SOX6: variants seen among roughly 807,000 people sequenced by gnomAD.
SOX6 encodes the protein SRY-box transcription factor 6, also known as transcription factor SOX-6.
SOX6 carries 11 observed loss-of-function variants against 97.8 expected under a neutral mutation model. The ratio of observed to expected loss-of-function variants is 0.11; its 90% CI spans 0.07 to 0.19. The LOEUF (loss-of-function observed/expected upper bound fraction) is 0.19. Among genes scored for constraint, SOX6 ranks in the 10% least tolerant of loss-of-function variants. SOX6 has a pLI of 1.00. For missense variants in SOX6, 810 were observed against 1,039.5 expected (o/e 0.78, Z 3.04); for synonymous variants, 360 against 371.4 (o/e 0.97, Z 0.35).
chr11:16,443,391 A>G (rs1859547097), intron 1 of SOX6, among the ~76,000 whole-genome samples: 1 of 152,186 alleles, frequency 6.6e-6, no homozygotes, highest in East Asian at 1.9e-4. Flanking sequence ...TGTGGATTGA[A>G]AGAATGAATG....
intron 3 of SOX6, among the ~76,000 whole-genome samples, chr11:16,284,257 T>C (rs1488619599): frequency 6.6e-6 from 1 of 152,136 alleles, no homozygotes; most frequent in Non-Finnish European, 1.5e-5. Flanking sequence ...TATTTGCTAC[T>C]GAACATAATT....
At chr11:16,217,063 T>A (rs1590037762) in intron 4 of SOX6, among the ~76,000 whole-genome samples, 1 of 152,352 alleles carries the variant, frequency 6.6e-6, no homozygotes, top group East Asian at 1.9e-4. Flanking sequence ...TCAATGGATG[T>A]GAAAGCCTGT....
chr11:16,411,883 C>G (rs750559287), intron 1 of SOX6, among the ~76,000 whole-genome samples: 24 of 152,066 alleles, frequency 1.6e-4, no homozygotes, highest in Non-Finnish European at 1.9e-4. Context: ...AATCTATTAA[C>G]AATTATACAT....
intron 3 of SOX6, among the ~76,000 whole-genome samples, chr11:16,634,593 G>T (rs1260461189): frequency 1.3e-5 from 2 of 152,096 alleles, no homozygotes; most frequent in Non-Finnish European, 2.9e-5. Flanking sequence ...CAAGTCTATT[G>T]ATTTAGTGGG....
intron 3 of SOX6, among the ~76,000 whole-genome samples, chr11:16,247,342 T>C (rs1853367734): frequency 6.6e-6 from 1 of 152,184 alleles, no homozygotes; most frequent in Non-Finnish European, 1.5e-5. Flanking sequence ...GACTCCGTAT[T>C]TGGCTATTGT....
Position 16,000,578 on chromosome 11 carries a change from TAAGTA to T in SOX6, c.1733-11353_1733-11349del, listed in dbSNP as rs199566474. Among the ~76,000 whole-genome samples, 1,080 of 144,152 alleles carry T rather than the reference TAAGTA, an allele frequency of 7.5e-3. 14 individuals are homozygous for T. The highest frequency in any genetic ancestry group is 0.024 in the African/African-American group (999 of 41,236). 94.6% of individuals were successfully genotyped at this position (144,152 alleles called of 152,430 possible). ...ATTTGCTGAATGTTGAGGAAAACCATAAGTAAAGTTTAATATCTTTGTTTTCATCT... is the reference window on the plus strand; with the variant it reads ...ATTTGCTGAATGTTGAGGAAAACCATAAGTTTAATATCTTTGTTTTCATCT... On this transcript the variant is annotated intron_variant, in intron 13 of 15. Transcript: ENST00000683767.
At chr11:16,427,635 C>T (rs956320850) in intron 1 of SOX6, among the ~76,000 whole-genome samples, 1 of 152,170 alleles carries the variant, frequency 6.6e-6, no homozygotes, top group African/African-American at 2.4e-5. Flanking sequence ...CAGCTTCATA[C>T]ATGTCCCTAC....
chr11:16,322,807 A>G (rs1855966936), intron 2 of SOX6, among the ~76,000 whole-genome samples: 1 of 152,204 alleles, frequency 6.6e-6, no homozygotes. Flanking sequence ...CTAAAGAACA[A>G]TGATATAAAT....
chr11:15,976,958 C>T (rs80157575), intron 15 of SOX6, among the ~76,000 whole-genome samples: 7,198 of 152,022 alleles, frequency 0.047, 580 homozygotes, highest in East Asian at 0.39. Flanking sequence ...GCTTTCCATC[C>T]CCCTCACATG....
intron 6 of SOX6, among the ~76,000 whole-genome samples, chr11:16,167,343 A>C (rs1850913755): frequency 6.6e-6 from 1 of 152,110 alleles, no homozygotes; most frequent in Admixed American, 6.6e-5. Context: ...TCTCACTATT[A>C]ACCTGGTCCA....
intron 1 of SOX6, among the ~76,000 whole-genome samples, chr11:16,451,888 G>C (rs112646709): frequency 0.013 from 1,915 of 151,836 alleles, 41 homozygotes; most frequent in African/African-American, 0.044. Context: ...TTTTTAATTA[G>C]CCAGACATGG....
chr11:16,431,575 AATATT>A (rs1430463002), intron 1 of SOX6, among the ~76,000 whole-genome samples: 2 of 152,172 alleles, frequency 1.3e-5, no homozygotes, highest in African/African-American at 2.4e-5. Context: ...AACAAATTAA[AATATT>A]CCAATTTATA....
chr11:16,262,057 A>G (rs1367587649), intron 3 of SOX6, among the ~76,000 whole-genome samples: 1 of 152,048 alleles, frequency 6.6e-6, no homozygotes, highest in Non-Finnish European at 1.5e-5. Flanking sequence ...ACAGCTCCCT[A>G]AACAGCTTGA....
intron 1 of SOX6, among the ~76,000 whole-genome samples, chr11:16,404,253 G>T (rs1858631934): frequency 6.6e-6 from 1 of 151,828 alleles, no homozygotes; most frequent in African/African-American, 2.4e-5. Flanking sequence ...TTCAAACTGT[G>T]CTTTGCTTCA....
At chr11:16,417,544 AATAGG>A (rs1858947432) in intron 1 of SOX6, among the ~76,000 whole-genome samples, 1 of 152,218 alleles carries the variant, frequency 6.6e-6, no homozygotes. Context: ...ACAGAGATGC[AATAGG>A]ATAAGAACCA....
rs117933805 is a variant in SOX6 at position 16,451,659 on chromosome 11, G to A, written c.-5+24656C>T. 1.4e-3 allele frequency among the ~76,000 whole-genome samples: 209 copies of A among 152,242 alleles called. 3 individuals are homozygous for A. The East Asian group carries it at 0.038, about 28-fold the overall frequency. On this transcript the variant is annotated intron_variant, in intron 1 of 15. Coordinates refer to the SOX6 transcript ENST00000396356. ...CTGTCAGTGCAGCTGGGGATGGAAG[G>A]CCTATTCATTCAGCTGCACCTGCTG...
chr11:16,036,497 C>G (rs529869707), intron 12 of SOX6, among the ~76,000 whole-genome samples: 8 of 152,254 alleles, frequency 5.3e-5, no homozygotes, highest in African/African-American at 1.9e-4. Flanking sequence ...GTTCATATTT[C>G]ATATCTCTAA....
chr11:16,106,786 T>C (rs1849098816), intron 7 of SOX6, among the ~76,000 whole-genome samples: 1 of 152,032 alleles, frequency 6.6e-6, no homozygotes, highest in African/African-American at 2.4e-5. Context: ...AAAAAGATAC[T>C]ATGAAGAATG....
chr11:16,583,165 T>G (rs367814185), intron 4 of SOX6, among the ~76,000 whole-genome samples: 84 of 152,184 alleles, frequency 5.5e-4, no homozygotes, highest in African/African-American at 1.9e-3. Context: ...ATTTTTCAAC[T>G]GACACATAAT....
Sources: gnomAD v4.1 joint callset for allele counts (sites outside exome capture counted in the v4.1 genomes callset) on GRCh38, gnomAD v4.1.1 for gene constraint, MANE v1.5 for transcripts, NCBI Gene and HGNC (gene_info 2026-07-23, HGNC 2026-07-21) for gene names.